ASTN2: variants seen among roughly 807,000 people sequenced by gnomAD.
ASTN2 encodes astrotactin 2.
ASTN2 carries 54 observed loss-of-function variants against 139.8 expected under a neutral mutation model. The ratio of observed to expected loss-of-function variants is 0.39; its 90% CI spans 0.31 to 0.48. ASTN2 has a LOEUF of 0.48. ASTN2 is among the 20% of genes least tolerant of loss of function. The probability of loss-of-function intolerance (pLI) is 0.95; values close to 1 mark genes in which losing one functional copy is unlikely to be tolerated. For missense variants in ASTN2, 1,565 were observed against 1,725.1 expected (o/e 0.91, Z 1.64); for synonymous variants, 756 against 719.5 (o/e 1.05, Z -0.81).
At chr9:116,632,115 G>C (rs932727994) in intron 17 of ASTN2, among the ~76,000 whole-genome samples, 14 of 92,598 alleles carry the variant, frequency 1.5e-4, no homozygotes, top group African/African-American at 4.6e-4. Context: ...TGTGTCAAAA[G>C]AAAAAGAAAA....
intron 4 of ASTN2, among the ~76,000 whole-genome samples, chr9:117,134,287 TATATATATACACACACAC>T (rs775860543): frequency 0.033 from 2,672 of 81,888 alleles, 44 homozygotes; most frequent in Non-Finnish European, 0.048. Context: ...TATATATATA[TATATATATACACACACAC>T]ACACACACAC....
At chr9:117,206,150 G>A (rs547790388) in intron 3 of ASTN2, among the ~76,000 whole-genome samples, 8 of 152,268 alleles carry the variant, frequency 5.3e-5, no homozygotes, top group South Asian at 4.1e-4. Flanking sequence ...CCTGAGTGTC[G>A]TCGAAGGCAG....
At chr9:116,786,887 A>T (rs747126632) in intron 13 of ASTN2, among the ~76,000 whole-genome samples, 17 of 152,180 alleles carry the variant, frequency 1.1e-4, no homozygotes, top group Middle Eastern at 3.4e-3. Context: ...CATGGGGGCC[A>T]TTTCCCCCAT....
At chr9:116,801,677 G>A (rs1830863355) in intron 13 of ASTN2, among the ~76,000 whole-genome samples, 1 of 151,228 alleles carries the variant, frequency 6.6e-6, no homozygotes, top group Non-Finnish European at 1.5e-5. Flanking sequence ...CCCATCAGAA[G>A]TGGCTTGCCT....
At chr9:116,494,268 G>A (rs1246082661) in intron 19 of ASTN2, among the ~76,000 whole-genome samples, 1 of 152,124 alleles carries the variant, frequency 6.6e-6, no homozygotes, top group Non-Finnish European at 1.5e-5. Flanking sequence ...TAAACTCTCA[G>A]AGACTGCTTC....
chr9:117,087,819 G>A (rs933862525), intron 5 of ASTN2, among the ~76,000 whole-genome samples: 1 of 152,168 alleles, frequency 6.6e-6, no homozygotes, highest in Non-Finnish European at 1.5e-5. Flanking sequence ...GCTAGGAAAT[G>A]GCAGAGCAAA....
intron 3 of ASTN2, among the ~76,000 whole-genome samples, chr9:117,143,781 G>A (rs984056000): frequency 2.0e-5 from 3 of 151,796 alleles, no homozygotes; most frequent in East Asian, 1.9e-4. Context: ...CTCACTCGGT[G>A]GGGGAGCAGG....
chr9:117,036,798 T>C (rs967238812), intron 6 of ASTN2, among the ~76,000 whole-genome samples: 1 of 152,194 alleles, frequency 6.6e-6, no homozygotes, highest in South Asian at 2.1e-4. Context: ...ATACGGGTGC[T>C]TTCCCACATG....
intron 19 of ASTN2, among the ~76,000 whole-genome samples, chr9:116,539,075 G>T (rs1043955043): frequency 6.6e-6 from 1 of 152,150 alleles, no homozygotes; most frequent in Non-Finnish European, 1.5e-5. Flanking sequence ...ACTAAGTGAA[G>T]AAGCAAGTCA....
At chr9:117,160,475 A>T (rs558804900) in intron 3 of ASTN2, among the ~76,000 whole-genome samples, 67 of 148,984 alleles carry the variant, frequency 4.5e-4, no homozygotes, top group African/African-American at 1.6e-3. Context: ...AGGCCACTAG[A>T]GGGTGACTAT....
intron 7 of ASTN2, among the ~76,000 whole-genome samples, chr9:116,988,152 G>A (rs1305052749): frequency 2.6e-5 from 4 of 152,244 alleles, no homozygotes; most frequent in Non-Finnish European, 5.9e-5. Context: ...GAATTCAGTT[G>A]TTAGGGTGGT....
chr9:116,815,815 A>AAAAAAAAAAAC (rs1321732064), intron 12 of ASTN2, among the ~76,000 whole-genome samples: 4 of 147,548 alleles, frequency 2.7e-5, no homozygotes, highest in African/African-American at 9.9e-5. Flanking sequence ...AAAAAAAAAA[A>AAAAAAAAAAAC]AAAAAAAAAA....
chr9:117,011,764 A>G (rs1837544424), intron 6 of ASTN2, among the ~76,000 whole-genome samples: 1 of 152,220 alleles, frequency 6.6e-6, no homozygotes, highest in Admixed American at 6.5e-5. Context: ...AGGTTCAGAG[A>G]GAAATTGACA....
At chr9:116,687,303 G>A (rs1199892332) in intron 16 of ASTN2, 5 of 985,860 alleles carry the variant, frequency 5.1e-6, no homozygotes, top group East Asian at 1.1e-4. Context: ...CCGGCAAGGG[G>A]TGCTCAACGG....
chr9:117,164,733 T>C (rs1830631019), intron 3 of ASTN2, among the ~76,000 whole-genome samples: 1 of 151,984 alleles, frequency 6.6e-6, no homozygotes, highest in South Asian at 2.1e-4. Flanking sequence ...TTGGTGAAAT[T>C]TTCCTGGCAC....
At chr9:117,339,018 G>C (rs1455268022) in intron 1 of ASTN2, among the ~76,000 whole-genome samples, 2 of 152,050 alleles carry the variant, frequency 1.3e-5, no homozygotes, top group Admixed American at 1.3e-4. Flanking sequence ...GGGTGATGAT[G>C]GGGGAGCTGT....
chr9:116,730,083 C>A (rs1280850975), intron 14 of ASTN2, among the ~76,000 whole-genome samples: 1 of 152,176 alleles, frequency 6.6e-6, no homozygotes, highest in African/African-American at 2.4e-5. Flanking sequence ...CTAAGCTTTG[C>A]AAACTCTCTT....
In ASTN2 at chr9:116,487,507, G is replaced by T; in HGVS notation, c.3356-7C>A. ...GCAAAACTCAGGAATTCTCCTGGAG[G>T]GAGAAAAAGAAAGATGAGCTCCCCA... On this transcript the variant is annotated splice_region_variant and splice_polypyrimidine_tract_variant and intron_variant, in intron 19 of 22. Coordinates refer to ENST00000313400, the MANE Select transcript of ASTN2 (RefSeq NM_001365068.1). 1 of 1,611,722 alleles carries T rather than the reference G, an allele frequency of 6.2e-7. No individual in the cohort carries two copies. Among genetic ancestry groups the T allele is most frequent in the South Asian group, 1.1e-5 (1 of 90,702 alleles).
intron 13 of ASTN2, among the ~76,000 whole-genome samples, chr9:116,755,226 GA>G (rs1159180647): frequency 1.3e-5 from 2 of 152,162 alleles, no homozygotes; most frequent in African/African-American, 4.8e-5. Flanking sequence ...AACTGTGAAT[GA>G]CACCTTATGT....
Sources: gnomAD v4.1 joint callset for allele counts (sites outside exome capture counted in the v4.1 genomes callset) on GRCh38, gnomAD v4.1.1 for gene constraint, MANE v1.5 for transcripts, NCBI Gene and HGNC (gene_info 2026-07-23, HGNC 2026-07-21) for gene names.